The following CXCL13 variants were observed in gnomAD, a reference collection of about 807,000 sequenced individuals.
CXCL13 encodes C-X-C motif chemokine ligand 13, also known as C-X-C motif chemokine 13.
In CXCL13, 7 loss-of-function variants were observed where a neutral mutation model predicts 12.2. The ratio of observed to expected loss-of-function variants is 0.57; its 90% CI spans 0.33 to 1.07. CXCL13 has a LOEUF of 1.07. CXCL13 is among the 50% of genes least tolerant of loss of function. CXCL13 has a pLI of 0.04. For missense variants in CXCL13, 113 were observed against 127.4 expected (o/e 0.89, Z 0.55); for synonymous variants, 47 against 42.4 (o/e 1.11, Z -0.42).
At position 77,611,502 on chromosome 4, in the gene CXCL13, A is replaced by G. The variant is rs1694144721; in HGVS notation, c.*463A>G. The G allele has an allele frequency of 5.1e-6, 2 of 393,922 alleles. No homozygotes were observed. Among genetic ancestry groups the G allele is most frequent in the African/African-American group, 4.1e-5 (2 of 48,554 alleles). 24.4% of individuals were successfully genotyped at this position (393,922 alleles called of 1,614,324 possible). A position where few individuals can be genotyped will look rare whatever the true frequency, so the allele number is the denominator to read the frequency against. On this transcript the variant is annotated 3_prime_UTR_variant, in exon 4 of 4. Transcript: ENST00000682537. Reference sequence around the variant, plus strand: ...GGAACTTGAGCCTGTCAAGAGGCAAAGGAATCCATGTAGTAGATATCCTCT... The same window carrying G: ...GGAACTTGAGCCTGTCAAGAGGCAAGGGAATCCATGTAGTAGATATCCTCT...
chr4:77,515,530 A>G (rs1260535961), intron 1 of CXCL13, among the ~76,000 whole-genome samples: 2 of 152,122 alleles, frequency 1.3e-5, no homozygotes, highest in Non-Finnish European at 2.9e-5. Context: ...CACATCCCTT[A>G]TAAGGTGGAT....
At chr4:77,580,556 A>G (rs1578063240) in intron 1 of CXCL13, among the ~76,000 whole-genome samples, 1 of 151,410 alleles carries the variant, frequency 6.6e-6, no homozygotes, top group Non-Finnish European at 1.5e-5. Flanking sequence ...CCATCTCTTG[A>G]CCTCATGATC....
chr4:77,562,723 C>G (rs1725842960), intron 1 of CXCL13, among the ~76,000 whole-genome samples: 2 of 151,962 alleles, frequency 1.3e-5, no homozygotes, highest in Non-Finnish European at 1.5e-5. Flanking sequence ...GTGTCTAGCT[C>G]AAGGTTTGTA....
At chr4:77,594,290 GA>G (rs1726691534) in intron 1 of CXCL13, among the ~76,000 whole-genome samples, 1 of 152,104 alleles carries the variant, frequency 6.6e-6, no homozygotes, top group Non-Finnish European at 1.5e-5. Context: ...CTTCTGCCCT[GA>G]AAACCTGGGT....
At chr4:77,548,714 T>A (rs1725435783) in intron 1 of CXCL13, among the ~76,000 whole-genome samples, 1 of 152,274 alleles carries the variant, frequency 6.6e-6, no homozygotes, top group Non-Finnish European at 1.5e-5. Flanking sequence ...ACTGTTAATC[T>A]GATGGGCTTC....
chr4:77,580,055 T>G (rs1486198174), intron 1 of CXCL13, among the ~76,000 whole-genome samples: 1 of 152,028 alleles, frequency 6.6e-6, no homozygotes, highest in Admixed American at 6.6e-5. Context: ...ATCAGCCAGG[T>G]GCAGGTTGAT....
chr4:77,606,060 T>A (rs1320202162), intron 1 of CXCL13, 131 bp downstream of exon 1: 1 of 471,936 alleles, frequency 2.1e-6, no homozygotes, highest in Non-Finnish European at 3.8e-6. Flanking sequence ...TCCTTCTAGA[T>A]TTCTCAAAGT....
intron 1 of CXCL13, among the ~76,000 whole-genome samples, chr4:77,523,917 G>C (rs1724689183): frequency 6.6e-6 from 1 of 151,960 alleles, no homozygotes. Context: ...TTTTGTTGAT[G>C]TTGATGCTAT....
At chr4:77,554,385 T>C (rs1451823710) in intron 1 of CXCL13, among the ~76,000 whole-genome samples, 1 of 152,184 alleles carries the variant, frequency 6.6e-6, no homozygotes, top group East Asian at 1.9e-4. Context: ...CTTATGATGA[T>C]AACAGAGTAT....
intron 1 of CXCL13, among the ~76,000 whole-genome samples, chr4:77,558,006 C>T (rs1440665255): frequency 1.3e-5 from 2 of 152,200 alleles, no homozygotes; most frequent in Admixed American, 6.5e-5. Context: ...CTCTTTGTGT[C>T]CTTGCTAGAA....
At chr4:77,546,675 C>T (rs1725373789) in intron 1 of CXCL13, among the ~76,000 whole-genome samples, 1 of 151,972 alleles carries the variant, frequency 6.6e-6, no homozygotes, top group African/African-American at 2.4e-5. Context: ...TTTTGTTGAT[C>T]TTTTCAAAAA....
intron 1 of CXCL13, among the ~76,000 whole-genome samples, chr4:77,528,663 A>G (rs926066438): frequency 6.6e-6 from 1 of 152,084 alleles, no homozygotes; most frequent in African/African-American, 2.4e-5. Context: ...AGTTCATTGT[A>G]GATTCTGGAT....
chr4:77,596,456 A>G (rs1238716500), intron 1 of CXCL13, among the ~76,000 whole-genome samples: 3 of 152,166 alleles, frequency 2.0e-5, no homozygotes, highest in Admixed American at 2.0e-4. Context: ...CGCTCCAGCA[A>G]TCCCTCTTCT....
At chr4:77,586,336 T>C (rs907833628) in intron 1 of CXCL13, among the ~76,000 whole-genome samples, 3 of 152,008 alleles carry the variant, frequency 2.0e-5, no homozygotes, top group African/African-American at 7.2e-5. Context: ...ACAAGATAAT[T>C]GAATTTGGTG....
In CXCL13 at chr4:77,611,101, T is replaced by G; in HGVS notation, c.*62T>G. 7.4e-7 allele frequency: 1 copy of G among 1,345,200 alleles called. No individual in the cohort carries two copies. The highest frequency in any genetic ancestry group is 1.0e-6 in the Non-Finnish European group (1 of 957,028). The allele number at this position is 1,345,200 out of a possible 1,614,324, so 83.3% of individuals were successfully genotyped here. Reference sequence around the variant, plus strand: ...CTTATCCCTGCTCTGGATTTTAGTTTTGTGCTTAGTTAAATCTTTTCCAGG... The same window carrying G: ...CTTATCCCTGCTCTGGATTTTAGTTGTGTGCTTAGTTAAATCTTTTCCAGG... On this transcript the variant is annotated 3_prime_UTR_variant, in exon 4 of 4. Coordinates refer to ENST00000682537, the MANE Select transcript of CXCL13 (RefSeq NM_001371558.1).
intron 1 of CXCL13, among the ~76,000 whole-genome samples, chr4:77,520,374 G>T (rs372729777): frequency 6.6e-6 from 1 of 152,020 alleles, no homozygotes; most frequent in Non-Finnish European, 1.5e-5. Flanking sequence ...ATTTGTTTGT[G>T]TCCTCTTTTA....
chr4:77,516,016 A>T (rs969562429), intron 1 of CXCL13, among the ~76,000 whole-genome samples: 4 of 152,286 alleles, frequency 2.6e-5, no homozygotes, highest in Admixed American at 2.0e-4. Context: ...TTTTAGCGTG[A>T]AGTGCTGTTG....
At chr4:77,516,913 G>T (rs1724435508) in intron 1 of CXCL13, among the ~76,000 whole-genome samples, 1 of 151,748 alleles carries the variant, frequency 6.6e-6, no homozygotes, top group African/African-American at 2.4e-5. Context: ...TGTCAATTTT[G>T]GATCTTTCCT....
chr4:77,593,918 C>G (rs1234144255), intron 1 of CXCL13, among the ~76,000 whole-genome samples: 1 of 152,158 alleles, frequency 6.6e-6, no homozygotes. Context: ...CTATTAAGGA[C>G]AGAACACAGA....
Sources: allele counts gnomAD v4.1 joint callset (sites outside exome capture counted in the v4.1 genomes callset), GRCh38; gene constraint gnomAD v4.1.1; transcripts MANE v1.5; gene names NCBI Gene and HGNC (gene_info 2026-07-23, HGNC 2026-07-21).